The following SLC9A7 variants were observed in gnomAD, a reference collection of about 807,000 sequenced individuals.
SLC9A7 encodes sodium/hydrogen exchanger 7.
In SLC9A7, 19 loss-of-function variants were observed where a neutral mutation model predicts 52.6. That is an observed-to-expected ratio of 0.36 (90% CI 0.25 to 0.53). SLC9A7 has a LOEUF of 0.53. SLC9A7 is among the 20% of genes least tolerant of loss of function. The pLI, the probability that SLC9A7 is intolerant of heterozygous loss-of-function variation, is 0.91. For synonymous variants in SLC9A7, 226 were observed against 252.1 expected (o/e 0.90, Z 0.98); for missense variants, 455 against 597.9 (o/e 0.76, Z 2.49).
At chrX:46,616,332 AC>A (rs201919485) in intron 15 of SLC9A7, among the ~76,000 whole-genome samples, 3,845 of 98,248 alleles carry the variant, frequency 0.039, 102 homozygotes, top group Non-Finnish European at 0.059. Context: ...AAAAAAACCC[AC>A]CCCCCCAAAA....
At chrX:46,744,792 C>G (rs1921616233) in intron 1 of SLC9A7, among the ~76,000 whole-genome samples, 1 of 111,709 alleles carries the variant, frequency 9.0e-6, no homozygotes, top group African/African-American at 3.2e-5. Context: ...AGAGCATTAG[C>G]AAAATAGCAG....
At chrX:46,697,859 T>C (rs1218587128) in intron 1 of SLC9A7, among the ~76,000 whole-genome samples, 1 of 111,989 alleles carries the variant, frequency 8.9e-6, no homozygotes, top group East Asian at 2.8e-4. Context: ...GCTGAATTCT[T>C]TTTCTCAGCA....
chrX:46,602,308 T>C lies in SLC9A7; in HGVS notation c.*4644A>G, dbSNP rs1345940442. 2.7e-5 allele frequency: 3 copies of C among 112,179 alleles called. No homozygotes were observed. Among genetic ancestry groups the C allele is most frequent in the Non-Finnish European group, 5.6e-5 (3 of 53,270 alleles). The allele number at this position is 112,179 out of a possible 1,213,427, so 9.2% of individuals were successfully genotyped here. A position where few individuals can be genotyped will look rare whatever the true frequency, so the allele number is the denominator to read the frequency against. On this transcript the variant is annotated 3_prime_UTR_variant, in exon 17 of 17. Transcript: ENST00000616978. ...GCATCAAACTCTCTCACAGCTGCCC[T>C]GTCTGTATTACTGATCAATACTCAG...
At chrX:46,627,803 T>G (rs1943157627) in intron 14 of SLC9A7, among the ~76,000 whole-genome samples, 3 of 105,320 alleles carry the variant, frequency 2.8e-5, no homozygotes, top group East Asian at 3.0e-4. Flanking sequence ...GGTCACAGAG[T>G]AGCAACTGGA....
At chrX:46,727,783 T>C (rs1265055879) in intron 1 of SLC9A7, among the ~76,000 whole-genome samples, 1 of 112,241 alleles carries the variant, frequency 8.9e-6, no homozygotes, top group Non-Finnish European at 1.9e-5. Flanking sequence ...CAATGTAAAT[T>C]AGGGATATCC....
intron 5 of SLC9A7, among the ~76,000 whole-genome samples, chrX:46,667,541 A>C (rs1943941597): frequency 9.0e-6 from 1 of 111,483 alleles, no homozygotes. Flanking sequence ...ATTACCCTAC[A>C]TTTCAAGTGC....
At chrX:46,618,803 G>A (rs1002364463) in intron 15 of SLC9A7, among the ~76,000 whole-genome samples, 2 of 110,608 alleles carry the variant, frequency 1.8e-5, no homozygotes, top group Admixed American at 9.6e-5. Context: ...AATTAGCCAG[G>A]TGTAGTGGTG....
At chrX:46,739,273 C>A (rs1921146716) in intron 1 of SLC9A7, among the ~76,000 whole-genome samples, 1 of 111,377 alleles carries the variant, frequency 9.0e-6, no homozygotes, top group Admixed American at 9.5e-5. Flanking sequence ...TCTTCTTGAC[C>A]CTGACCACAC....
chrX:46,607,158 C>G lies in SLC9A7; in HGVS notation c.1975G>C (p.Glu659Gln). The G allele has an allele frequency of 8.3e-7, 1 of 1,210,941 alleles. No individual in the cohort carries two copies. Among genetic ancestry groups the G allele is most frequent in the Non-Finnish European group, 1.1e-6 (1 of 895,117 alleles). The change falls in exon 17 of 17, where the codon GAA (glutamate) becomes CAA (glutamine). Residue 659 changes from glutamate to glutamine, a missense_variant. Transcript: ENST00000616978. ...REEDSDFILTEGDLTLTYGDS... is the reference protein window; with the variant it reads ...REEDSDFILTQGDLTLTYGDS... ...CCGTAGGTCAATGTCAGGTCGCCTT[C>G]GGTCAGGATGAAATCAGAGTCTTCC... is the stretch of plus-strand genomic sequence containing the variant.
chrX:46,653,786 C>T, intron 7 of SLC9A7, 72 bp from the exon 8 acceptor site: 3 of 763,135 alleles, frequency 3.9e-6, no homozygotes, highest in Non-Finnish European at 5.8e-6. Context: ...CTCCACTAGC[C>T]CAGGACCCCT....
intron 1 of SLC9A7, among the ~76,000 whole-genome samples, chrX:46,693,945 G>C: frequency 9.1e-6 from 1 of 109,811 alleles, no homozygotes; most frequent in East Asian, 2.8e-4. Context: ...ATTAAGGCAG[G>C]AACAGAAAAA....
chrX:46,647,192 G>A, intron 11 of SLC9A7: 1 of 258,899 alleles, frequency 3.9e-6, no homozygotes, highest in Non-Finnish European at 7.5e-6. Context: ...CTTATAGCCA[G>A]TATCTTGCAG....
intron 1 of SLC9A7, among the ~76,000 whole-genome samples, chrX:46,722,225 C>T (rs1367566157): frequency 5.4e-5 from 6 of 111,679 alleles, no homozygotes; most frequent in Non-Finnish European, 1.1e-4. Context: ...AAACAAAAGC[C>T]TTAACTTAGA....
chrX:46,658,991 C>T (rs1162655466), intron 7 of SLC9A7, among the ~76,000 whole-genome samples: 8 of 111,175 alleles, frequency 7.2e-5, no homozygotes, highest in Non-Finnish European at 1.1e-4. Context: ...ACTGGCAAAC[C>T]GAATCCAGCA....
rs1457421089 is a variant in SLC9A7 at position 46,601,988 on chromosome X, G to C, written c.*4964C>G. The C allele has an allele frequency of 1.8e-5, 2 of 110,893 alleles. No homozygotes were observed. Among genetic ancestry groups the C allele is most frequent in the Non-Finnish European group, 3.8e-5 (2 of 52,948 alleles). The allele number at this position is 110,893 out of a possible 1,213,427, so 9.1% of individuals were successfully genotyped here. On this transcript the variant is annotated 3_prime_UTR_variant, in exon 17 of 17. Coordinates refer to ENST00000616978, the MANE Select transcript of SLC9A7 (RefSeq NM_001257291.2). Reference sequence around the variant, plus strand: ...AATCCAGTGTGGACTCAGGCATGAGGATAGGTGAAGGAAAAGAAAATCTGA... The same window carrying C: ...AATCCAGTGTGGACTCAGGCATGAGCATAGGTGAAGGAAAAGAAAATCTGA...
chrX:46,620,848 T>G, intron 15 of SLC9A7, 129 bp downstream of exon 15: 1 of 474,468 alleles, frequency 2.1e-6, no homozygotes, highest in Non-Finnish European at 3.6e-6. Flanking sequence ...ACACGTTCCA[T>G]AAGAGGATGG....
chrX:46,707,665 C>G (rs1045509364), intron 1 of SLC9A7, among the ~76,000 whole-genome samples: 3 of 112,336 alleles, frequency 2.7e-5, no homozygotes, highest in Non-Finnish European at 3.8e-5. Flanking sequence ...GTGACAGCAT[C>G]TAAGCAAAAG....
chrX:46,662,443 C>T, intron 6 of SLC9A7, 95 bp downstream of exon 6: 1 of 632,318 alleles, frequency 1.6e-6, no homozygotes, highest in African/African-American at 2.3e-5. Context: ...ACACCCAATT[C>T]AATATGTAAT....
chrX:46,689,544 TCTTTAA>T (rs1470892776), intron 1 of SLC9A7, among the ~76,000 whole-genome samples: 1 of 110,910 alleles, frequency 9.0e-6, no homozygotes, highest in Non-Finnish European at 1.9e-5. Context: ...GTGCAGCATA[TCTTTAA>T]CTTTATGAGA....
Sources: allele counts gnomAD v4.1 joint callset (sites outside exome capture counted in the v4.1 genomes callset), GRCh38; gene constraint gnomAD v4.1.1; transcripts MANE v1.5; gene names NCBI Gene and HGNC (gene_info 2026-07-23, HGNC 2026-07-21).